The following PTP4A1 variants were observed in gnomAD, a reference collection of about 807,000 sequenced individuals.
PTP4A1 encodes the protein protein tyrosine phosphatase type IVA 1.
PTP4A1 carries 9 observed loss-of-function variants against 20.5 expected under a neutral mutation model. That is an observed-to-expected ratio of 0.44 (90% CI 0.26 to 0.77). The LOEUF (loss-of-function observed/expected upper bound fraction) is 0.77. PTP4A1 is among the 30% of genes least tolerant of loss of function. The probability of loss-of-function intolerance (pLI) is 0.19; values close to 1 mark genes in which losing one functional copy is unlikely to be tolerated. For synonymous variants in PTP4A1, 78 were observed against 67.4 expected (o/e 1.16, Z -0.77); for missense variants, 137 against 218.8 (o/e 0.63, Z 2.36).
upstream of PTP4A1, chr6:63,572,017 T>G (rs548846533): frequency 6.6e-6 from 1 of 152,318 alleles, no homozygotes; most frequent in African/African-American, 2.4e-5. Context: ...CTGGCAAAGA[T>G]GACCGTGGTT....
chr6:63,528,091 G>C (rs1424731180), intron 2 of PTP4A1: 1 of 152,202 alleles, frequency 6.6e-6, no homozygotes, highest in East Asian at 1.9e-4. Context: ...GCAGGTAAGT[G>C]TGACTTCCTC....
upstream of PTP4A1, among the ~76,000 whole-genome samples, chr6:63,519,504 A>T (rs1774847500): frequency 6.6e-6 from 1 of 152,206 alleles, no homozygotes; most frequent in East Asian, 1.9e-4. Context: ...TACTAATGAT[A>T]AACTGACTGA....
At chr6:63,555,903 A>G (rs1298090649) in intron 3 of PTP4A1, among the ~76,000 whole-genome samples, 1 of 152,080 alleles carries the variant, frequency 6.6e-6, no homozygotes, top group African/African-American at 2.4e-5. Context: ...TATGTTGGCC[A>G]GGCTGGCGAA....
chr6:63,539,136 C>CA (rs1775843927), intron 2 of PTP4A1, among the ~76,000 whole-genome samples: 1 of 152,124 alleles, frequency 6.6e-6, no homozygotes, highest in Admixed American at 6.5e-5. Flanking sequence ...TAAGGTGGTC[C>CA]ACCCACCTTG....
chr6:63,558,607 C>G (rs1776791139), intron 3 of PTP4A1, among the ~76,000 whole-genome samples: 1 of 152,152 alleles, frequency 6.6e-6, no homozygotes, highest in African/African-American at 2.4e-5. Context: ...CTCAGTTCAT[C>G]CCATGGAAAT....
intron 3 of PTP4A1, among the ~76,000 whole-genome samples, chr6:63,561,888 G>A (rs1049898811): frequency 2.2e-4 from 34 of 152,166 alleles, no homozygotes; most frequent in African/African-American, 8.2e-4. Flanking sequence ...AGGATAACCT[G>A]GTGCTTCTAT....
chr6:63,521,098 G>A (rs965219699), upstream of PTP4A1, among the ~76,000 whole-genome samples: 1 of 152,106 alleles, frequency 6.6e-6, no homozygotes, highest in Admixed American at 6.6e-5. Context: ...TGGGGGAAAA[G>A]GGGAGGGAGA....
chr6:63,516,989 A>G (rs1774751186), upstream of PTP4A1, among the ~76,000 whole-genome samples: 1 of 152,140 alleles, frequency 6.6e-6, no homozygotes, highest in South Asian at 2.1e-4. Flanking sequence ...AGAGAAATAA[A>G]CCATTGACCG....
rs554599078 is a variant in PTP4A1 at position 63,527,610 on chromosome 6, G to A, written c.-905-209G>A. Among the ~76,000 whole-genome samples the A allele has an allele frequency of 1.8e-4, 28 of 152,000 alleles. No individual in the cohort carries two copies. The South Asian group carries it at 5.0e-3, about 27-fold the overall frequency. On this transcript the variant is annotated intron_variant, in intron 1 of 3. Transcript: ENST00000639568. ...CCCATACATTAACTATTTAAGTTTCGGTGACAACTCTTCCATTTTAACCAA... is the reference window on the plus strand; with the variant it reads ...CCCATACATTAACTATTTAAGTTTCAGTGACAACTCTTCCATTTTAACCAA...
intron 3 of PTP4A1, among the ~76,000 whole-genome samples, chr6:63,561,460 T>C (rs768131794): frequency 2.6e-4 from 40 of 152,214 alleles, no homozygotes; most frequent in Non-Finnish European, 4.6e-4. Flanking sequence ...CAGTGCCTGA[T>C]AAACACTGAC....
At chr6:63,539,259 C>T (rs916956360) in intron 2 of PTP4A1, among the ~76,000 whole-genome samples, 37 of 152,092 alleles carry the variant, frequency 2.4e-4, no homozygotes, top group African/African-American at 8.9e-4. Context: ...AATTACATAA[C>T]ATGTAATATT....
At chr6:63,520,653 A>G (rs1774885580), upstream of PTP4A1, among the ~76,000 whole-genome samples, 1 of 151,132 alleles carries the variant, frequency 6.6e-6, no homozygotes, top group South Asian at 2.1e-4. Context: ...AAATAAATAA[A>G]TAAATAAATA....
chr6:63,580,843 CAT>C lies in PTP4A1; in HGVS notation c.*670_*671del, dbSNP rs1447327178. 6.6e-6 allele frequency: 1 copy of C among 152,092 alleles called. No individual in the cohort carries two copies. The highest frequency in any genetic ancestry group is 2.4e-5 in the African/African-American group (1 of 41,284). 9.4% of individuals were successfully genotyped at this position (152,092 alleles called of 1,614,324 possible). ...TGAAAATCTACGTTGTACAGAAGCA[CAT>C]GTCTTTAATGTCTTCAGACAAAAAA... On this transcript the variant is annotated 3_prime_UTR_variant, in exon 6 of 6. Transcript: ENST00000626021.
intron 2 of PTP4A1, among the ~76,000 whole-genome samples, chr6:63,530,083 A>G (rs976644964): frequency 1.3e-5 from 2 of 152,216 alleles, no homozygotes; most frequent in South Asian, 4.1e-4. Context: ...TAATAACAGT[A>G]TAGATTTCTG....
intron 2 of PTP4A1, among the ~76,000 whole-genome samples, chr6:63,544,329 A>G (rs983082424): frequency 6.6e-6 from 1 of 152,214 alleles, no homozygotes; most frequent in African/African-American, 2.4e-5. Flanking sequence ...CTACCTATGT[A>G]TATACATTAT....
chr6:63,556,928 G>A (rs1776710583), intron 3 of PTP4A1, among the ~76,000 whole-genome samples: 2 of 152,042 alleles, frequency 1.3e-5, no homozygotes, highest in Admixed American at 6.6e-5. Context: ...TAATCTCATT[G>A]TCTGCTGCCA....
upstream of PTP4A1, among the ~76,000 whole-genome samples, chr6:63,520,964 T>C (rs879910241): frequency 8.5e-5 from 13 of 152,092 alleles, no homozygotes; most frequent in Admixed American, 3.9e-4. Flanking sequence ...ACCATCATCC[T>C]CAGCAAACTA....
upstream of PTP4A1, chr6:63,571,907 C>A (rs1202594756): frequency 6.6e-6 from 1 of 152,154 alleles, no homozygotes; most frequent in Non-Finnish European, 1.5e-5. Flanking sequence ...AGCCTAAGGC[C>A]GTGGCATGCA....
intron 1 of PTP4A1, chr6:63,573,157 G>A (rs767083992): frequency 7.1e-5 from 11 of 155,844 alleles, no homozygotes; most frequent in Non-Finnish European, 1.4e-4. Flanking sequence ...GCGTCCCGGG[G>A]CCTCTTTGTT....
Sources: allele counts gnomAD v4.1 joint callset (sites outside exome capture counted in the v4.1 genomes callset), GRCh38; gene constraint gnomAD v4.1.1; transcripts MANE v1.5; gene names NCBI Gene and HGNC (gene_info 2026-07-23, HGNC 2026-07-21).